Variants in MUC4 observed in about 807,000 individuals in gnomAD.
MUC4 encodes the protein mucin-4.
A neutral mutation model predicts 257.9 loss-of-function variants in MUC4; 202 were observed. That is an observed-to-expected ratio of 0.78 (90% CI 0.70 to 0.88). The LOEUF (loss-of-function observed/expected upper bound fraction) is 0.88. Ranked by LOEUF, MUC4 falls within the 40% of genes least tolerant of loss-of-function variation. The pLI, the probability that MUC4 is intolerant of heterozygous loss-of-function variation, is 0.00. For missense variants in MUC4, 5,976 were observed against 6,513.7 expected, an observed-to-expected ratio of 0.92 and a Z score of 2.84; for synonymous variants, 2,351 against 2,757.1, an observed-to-expected ratio of 0.85 and a Z score of 4.62.
intron 1 of MUC4, among the ~76,000 whole-genome samples, chr3:195,806,979 G>A (rs963674727): frequency 6.6e-6 from 1 of 152,116 alleles, no homozygotes; most frequent in Non-Finnish European, 1.5e-5. Flanking sequence ...TGGGCGGGGC[G>A]GCATCTCTAC....
chr3:195,789,823 A>T lies in MUC4; in HGVS notation c.1757T>A (p.Val586Glu). 1 of 1,614,006 alleles carries T rather than the reference A, an allele frequency of 6.2e-7. No homozygotes were observed. The highest frequency in any genetic ancestry group is 8.5e-7 in the Non-Finnish European group (1 of 1,179,866). ...TGTGGCCGTTTTTATCATCTGAGTC[A>T]CACTGTAGCTTGGGCTGCTGAGAAG... ...EALLSSPSYS[V>E]TQMIKTATSP... Residue 586 changes from valine (V) to glutamate (E), a missense_variant, in exon 2 of 25, where the codon GTG becomes GAG. Physicochemically the swap from Val to Glu is moderately radical, Grantham distance 121. Around this residue, in one of 44 missense-constraint regions of MUC4, gnomAD observed 1,583 missense variants for 1,257.4 expected, o/e 1.26. Coordinates refer to ENST00000463781, the MANE Select transcript of MUC4 (RefSeq NM_018406.7).
At chr3:195,759,979 C>T (rs1042530551) in intron 16 of MUC4, among the ~76,000 whole-genome samples, 2 of 151,988 alleles carry the variant, frequency 1.3e-5, no homozygotes, top group African/African-American at 2.4e-5. Flanking sequence ...TTGCATTTGT[C>T]CAGAAATAGA....
rs1718796010 is a variant in MUC4, at chr3:195,761,115, G to T, written c.14617C>A (p.Gln4873Lys). 6 of 1,613,886 alleles carry T rather than the reference G, an allele frequency of 3.7e-6. No homozygotes were observed. Among genetic ancestry groups the T allele is most frequent in the Non-Finnish European group, 5.1e-6 (6 of 1,179,772 alleles). ...CCAAGGAGGCCTGTCCCGTTGATCT[G>T]CCCTGTAACACACAGAGCGCGGTGG... ...EMLFHFGMTW[Q>K]INGTGLLGKR... Residue 4873 changes from glutamine (Q) to lysine (K), a missense_variant and splice_region_variant, in exon 16 of 25, where the codon CAG (glutamine) becomes AAG (lysine). Physicochemically the swap from Gln to Lys is moderately conservative, Grantham distance 53. Coordinates refer to ENST00000463781, the MANE Select transcript of MUC4 (RefSeq NM_018406.7).
rs373276344 is a variant in MUC4 at position 195,786,894 on chromosome 3, G to T, written c.4686C>A (p.Ser1562=). The change falls in exon 2 of 25, where the codon TCC becomes TCA. Residue 1562 remains serine, a synonymous_variant. Transcript: ENST00000463781. ...CAGGAAGAGGGGTGGTGTGACCTGT[G>T]GATACTGAGGAAGCGTCGGTGACAG... ...PLPVTDASSV[S]TGHTTPLPVT... 6.6e-7 allele frequency: 1 copy of T among 1,518,824 alleles called. No individual in the cohort carries two copies. The highest frequency in any genetic ancestry group is 1.2e-5 in the South Asian group (1 of 81,868). The allele number at this position is 1,518,824 out of a possible 1,614,324, so 94.1% of individuals were successfully genotyped here.
chr3:195,769,917 A>G (rs1722417138), intron 6 of MUC4, among the ~76,000 whole-genome samples: 2 of 152,174 alleles, frequency 1.3e-5, no homozygotes, highest in Non-Finnish European at 2.9e-5. Context: ...GCCACGTGAA[A>G]TTGTGAATAG....
rs544575837 is a variant in MUC4, at chr3:195,753,701, G to A, written c.15329-471C>T. On this transcript the variant is annotated intron_variant, in intron 19 of 24. Transcript: ENST00000463781. ...TCATCAGACTCTGGTGACTCAGAGC[G>A]GGAGGAACAGATGGCTGGGAGGACT... is the stretch of plus-strand genomic sequence containing the variant. 10 of 198,184 alleles carry A rather than the reference G, an allele frequency of 5.0e-5. No individual in the cohort carries two copies. The South Asian group carries it at 7.4e-4, about 15-fold the overall frequency. 12.3% of individuals were successfully genotyped at this position (198,184 alleles called of 1,614,324 possible).
In MUC4 at chr3:195,790,714, A is replaced by G. The variant is rs1372045477; in HGVS notation, c.866T>C (p.Leu289Pro). 8 of 1,613,904 alleles carry G rather than the reference A, an allele frequency of 5.0e-6. No individual in the cohort carries two copies. The highest frequency in any genetic ancestry group is 4.4e-5 in the South Asian group (4 of 91,068). The change falls in exon 2 of 25, where the codon CTT becomes CCT. Residue 289 changes from leucine to proline, a missense_variant. Leu to Pro is a moderately conservative substitution (Grantham distance 98). This residue lies in a region of MUC4 where 1,583 missense variants were observed against 1,257.4 expected (regional missense o/e 1.26). Coordinates refer to ENST00000463781, the MANE Select transcript of MUC4 (RefSeq NM_018406.7). ...TAAGGCTGCTGAGGTGACTGGCATAAGACTTCCAGTAACAGGTACTGATGA... is the reference window on the plus strand; with the variant it reads ...TAAGGCTGCTGAGGTGACTGGCATAGGACTTCCAGTAACAGGTACTGATGA... ...ETSSVPVTGSLMPVTSAALVT... is the reference protein window; with the variant it reads ...ETSSVPVTGSPMPVTSAALVT...
chr3:195,767,823 C>CCACCACCATCACCACCACCAT (rs1560265400), intron 7 of MUC4, among the ~76,000 whole-genome samples: 1 of 98,558 alleles, frequency 1.0e-5, no homozygotes, highest in Non-Finnish European at 2.1e-5. Flanking sequence ...ATCACCACCA[C>CCACCACCATCACCACCACCAT]CACCACCATC....
In MUC4 at chr3:195,786,393, A is replaced by C. The variant is rs1175549933; in HGVS notation, c.5187T>G (p.Leu1729=). 1 of 1,531,338 alleles carries C rather than the reference A, an allele frequency of 6.5e-7. No homozygotes were observed. Among genetic ancestry groups the C allele is most frequent in the Admixed American group, 2.0e-5 (1 of 49,860 alleles). The allele number at this position is 1,531,338 out of a possible 1,614,324, so 94.9% of individuals were successfully genotyped here. A position where few individuals can be genotyped will look rare whatever the true frequency, so the allele number is the denominator to read the frequency against. ...SSVSTGDTTP[L]PVTSPSSAST... ...ATGCTGAGGAAGGGCTAGTGACAGGAAGAGGCGTGGTGTCACCTGTGGATA... is the reference window on the plus strand; with the variant it reads ...ATGCTGAGGAAGGGCTAGTGACAGGCAGAGGCGTGGTGTCACCTGTGGATA... The change falls in exon 2 of 25, where the codon CTT becomes CTG. Residue 1729 remains leucine (L), a synonymous_variant. Coordinates refer to ENST00000463781, the MANE Select transcript of MUC4 (RefSeq NM_018406.7).
At chr3:195,792,314 G>A (rs1733960355) in intron 1 of MUC4, among the ~76,000 whole-genome samples, 1 of 152,080 alleles carries the variant, frequency 6.6e-6, no homozygotes, top group South Asian at 2.1e-4. Context: ...TCAAAAAGCA[G>A]GCAAAGGATA....
chr3:195,802,383 G>GCTCTCAGCCTCCACCA (rs1560418798), intron 1 of MUC4, among the ~76,000 whole-genome samples: 1 of 150,194 alleles, frequency 6.7e-6, no homozygotes, highest in Non-Finnish European at 1.5e-5. Flanking sequence ...CTCGGGTTCC[G>GCTCTCAGCCTCCACCA]CACCCCTGCT....
In MUC4 at chr3:195,784,946, T is replaced by G. The variant is rs544580665; in HGVS notation, c.6634A>C (p.Thr2212Pro). 499 of 1,270,818 alleles carry G rather than the reference T, an allele frequency of 3.9e-4. No individual in the cohort carries two copies. In the African/African-American group the frequency reaches 7.0e-3, roughly 18 times the overall value. The allele number at this position is 1,270,818 out of a possible 1,614,324, so 78.7% of individuals were successfully genotyped here. ...CCTGTGGATGCTGAGGAAGGGCTGG[T>G]GACAGGAAGAGGGGTGGCCTGACCT... ...STGQATPLPV[T>P]SPSSASTGHA... is the part of the protein sequence containing the mutation. Residue 2212 changes from threonine (T) to proline (P), a missense_variant, in exon 2 of 25, where the codon ACC (threonine) becomes CCC (proline). Transcript: ENST00000463781.
intron 1 of MUC4, among the ~76,000 whole-genome samples, chr3:195,811,302 T>A (rs1736706811): frequency 6.6e-6 from 1 of 151,898 alleles, no homozygotes; most frequent in South Asian, 2.1e-4. Context: ...GACTCCTGAG[T>A]AGCTGGAATT....
At chr3:195,762,477 G>T (rs147056758) in intron 13 of MUC4, among the ~76,000 whole-genome samples, 1 of 150,196 alleles carries the variant, frequency 6.7e-6, no homozygotes, top group Admixed American at 6.6e-5. Context: ...GCCCTGCACC[G>T]CCACGCACCG....
chr3:195,783,605 C>T lies in MUC4; in HGVS notation c.7975G>A (p.Val2659Ile). Reference sequence around the variant, plus strand: ...GTGGATACTGAGGAAAGGCTGGTGACAGGAAGAGGGGTGGCCTGACCTGTG... The same window carrying T: ...GTGGATACTGAGGAAAGGCTGGTGATAGGAAGAGGGGTGGCCTGACCTGTG... Reference protein sequence around the residue: ...ASTGQATPLPVTSLSSVSTGD... With the variant: ...ASTGQATPLPITSLSSVSTGD... The change falls in exon 2 of 25, where the codon GTC becomes ATC. Residue 2659 changes from valine to isoleucine, a missense_variant. Transcript: ENST00000463781. The T allele has an allele frequency of 6.6e-6, 2 of 303,404 alleles. No homozygotes were observed. Among genetic ancestry groups the T allele is most frequent in the South Asian group, 3.1e-5 (1 of 32,610 alleles). 18.8% of individuals were successfully genotyped at this position (303,404 alleles called of 1,614,324 possible).
chr3:195,779,658 A>C lies in MUC4; in HGVS notation c.11922T>G (p.Arg3974=), dbSNP rs1560301726. The part of the protein sequence containing the change: ...GHATSLPVTS[R]SSASTGHATP... ...TGGCGTGACCTGTGGATGCTGAGGA[A>C]CGGCTGGTGACAGGAAGAGAGGTGG... The change falls in exon 2 of 25, where the codon CGT becomes CGG. Residue 3974 remains arginine (R), a synonymous_variant. Coordinates refer to ENST00000463781, the MANE Select transcript of MUC4 (RefSeq NM_018406.7). 1.0e-6 allele frequency: 1 copy of C among 983,980 alleles called. No individual in the cohort carries two copies. Among genetic ancestry groups the C allele is most frequent in the East Asian group, 3.6e-5 (1 of 27,706 alleles). 61.0% of individuals were successfully genotyped at this position (983,980 alleles called of 1,614,324 possible).
Position 195,783,029 on chromosome 3 carries a change from C to T in MUC4, c.8551G>A (p.Val2851Ile), listed in dbSNP as rs557314271. ...ASSGHTTPLP[V>I]TDASSVSTGH... is the part of the protein sequence containing the mutation. ...GTGGACACTGAGGAAGCGTCGGTGA[C>T]AGGAAGAGGGGTGGTGTGACCTGAG... Residue 2851 changes from valine (V) to isoleucine (I), a missense_variant, in exon 2 of 25, where the codon GTC (valine) becomes ATC (isoleucine). Val to Ile is a conservative substitution (Grantham distance 29). Transcript: ENST00000463781. 1.2e-4 allele frequency: 137 copies of T among 1,175,600 alleles called. 1 individual carries two copies. Among genetic ancestry groups the T allele is most frequent in the East Asian group, 4.0e-4 (11 of 27,670 alleles). The allele number at this position is 1,175,600 out of a possible 1,614,324, so 72.8% of individuals were successfully genotyped here.
rs1299217743 is a variant in MUC4 at position 195,778,343 on chromosome 3, G to A, written c.12903C>T (p.Thr4301=). ...ISTIPSTAMH[T]RSTAAPIPIL... ...TGGGGATGGGGGCAGCTGTGGAGCG[G>A]GTGTGCATGGCAGTGCTGGGAATGG... The change falls in exon 3 of 25, where the codon ACC becomes ACT. Residue 4301 remains threonine, a synonymous_variant. Coordinates refer to ENST00000463781, the MANE Select transcript of MUC4 (RefSeq NM_018406.7). 1.2e-6 allele frequency: 2 copies of A among 1,612,750 alleles called. No individual in the cohort carries two copies. Among genetic ancestry groups the A allele is most frequent in the Middle Eastern group, 1.8e-4 (1 of 5,674 alleles).
In MUC4 at chr3:195,764,146, T is replaced by C. The variant is rs774954089; in HGVS notation, c.13943A>G (p.Gln4648Arg). 1.3e-6 allele frequency: 2 copies of C among 1,575,814 alleles called. No individual in the cohort carries two copies. The highest frequency in any genetic ancestry group is 1.7e-4 in the Middle Eastern group (1 of 6,014). ...PWQLAQELEP[Q>R]SWCCRWNDKP... Reference sequence around the variant, plus strand: ...GTCATTCCAGCGGCAGCACCAGCTCTGTGGCTCCAGTTCCTGGGCTGCGGA... The same window carrying C: ...GTCATTCCAGCGGCAGCACCAGCTCCGTGGCTCCAGTTCCTGGGCTGCGGA... The change falls in exon 11 of 25, where the codon CAG becomes CGG. Residue 4648 changes from glutamine (Q) to arginine (R), a missense_variant. This residue lies in a region of MUC4 where 996 missense variants were observed against 1,137.3 expected (regional missense o/e 0.88). Transcript: ENST00000463781.
Sources: allele counts gnomAD v4.1 joint callset (sites outside exome capture counted in the v4.1 genomes callset), GRCh38; gene constraint gnomAD v4.1.1; regional missense constraint gnomAD v4.1.1; transcripts MANE v1.5; gene names NCBI Gene and HGNC (gene_info 2026-07-23, HGNC 2026-07-21).